Variants in HNRNPUL1 observed in about 807,000 individuals in gnomAD.
HNRNPUL1 encodes the protein heterogeneous nuclear ribonucleoprotein U like 1.
A neutral mutation model predicts 108.5 loss-of-function variants in HNRNPUL1; 14 were observed. The ratio of observed to expected loss-of-function variants is 0.13; its 90% CI spans 0.09 to 0.20. The LOEUF (loss-of-function observed/expected upper bound fraction) is 0.20, where lower values mean the gene tolerates loss of function less well. Ranked by LOEUF, HNRNPUL1 falls within the 10% of genes least tolerant of loss-of-function variation. HNRNPUL1 has a pLI of 1.00. For synonymous variants in HNRNPUL1, 422 were observed against 445.2 expected (o/e 0.95, Z 0.66); for missense variants, 804 against 1,168.3 (o/e 0.69, Z 4.55).
chr19:41,273,938 T>C lies in HNRNPUL1; in HGVS notation c.573-44T>C, dbSNP rs558537595. 4.9e-6 allele frequency: 7 copies of C among 1,439,802 alleles called. No individual in the cohort carries two copies. In the Admixed American group the frequency reaches 1.0e-4, roughly 21 times the overall value. 89.2% of individuals were successfully genotyped at this position (1,439,802 alleles called of 1,614,324 possible). The stretch of plus-strand genomic sequence containing the variant: ...AACATTCATTTTCTTTCCTTTGTGC[T>C]CATCCATTGTTCTTGTATGACTTAA... On this transcript the variant is annotated intron_variant, in intron 3 of 14. Transcript: ENST00000392006.
intron 7 of HNRNPUL1, among the ~76,000 whole-genome samples, chr19:41,284,228 A>G (rs1472475499): frequency 6.6e-6 from 1 of 152,228 alleles, no homozygotes; most frequent in Non-Finnish European, 1.5e-5. Flanking sequence ...TGCACTATAG[A>G]TTGAGGTCTG....
rs2037009044 is a variant in HNRNPUL1 at position 41,298,397 on chromosome 19, C to T, written c.1519-3139C>T. ...GAGGGAACCAAAGCAGCTGGAAAAG[C>T]TGACCTAGCTGTTGTGCTGGTCTCA... On this transcript the variant is annotated intron_variant, in intron 10 of 14. Coordinates refer to ENST00000392006, the MANE Select transcript of HNRNPUL1 (RefSeq NM_007040.6). 4 of 152,378 alleles carry T rather than the reference C, an allele frequency of 2.6e-5. No individual in the cohort carries two copies. The South Asian group carries it at 8.3e-4, about 32-fold the overall frequency. 9.4% of individuals were successfully genotyped at this position (152,378 alleles called of 1,614,324 possible).
At chr19:41,305,961 A>G in intron 14 of HNRNPUL1, 94 bp downstream of exon 14, 5 of 860,352 alleles carry the variant, frequency 5.8e-6, no homozygotes, top group Non-Finnish European at 9.0e-6. Context: ...CTTATCCCTA[A>G]AAAGACAGCC....
intron 10 of HNRNPUL1, among the ~76,000 whole-genome samples, chr19:41,299,826 T>G (rs537462114): frequency 6.6e-6 from 1 of 152,154 alleles, no homozygotes; most frequent in Non-Finnish European, 1.5e-5. Flanking sequence ...CTTAACCTTT[T>G]CTTTGGTCTG....
intron 7 of HNRNPUL1, among the ~76,000 whole-genome samples, chr19:41,287,483 C>A (rs1201328215): frequency 6.6e-6 from 1 of 152,130 alleles, no homozygotes; most frequent in Non-Finnish European, 1.5e-5. Flanking sequence ...ATATTGCATT[C>A]TCTTGCCATG....
chr19:41,264,830 C>T, intron 1 of HNRNPUL1, 32 bp downstream of exon 1: 2 of 1,341,184 alleles, frequency 1.5e-6, no homozygotes, highest in Middle Eastern at 2.8e-4. Flanking sequence ...GCCGGGGAGC[C>T]CGGAGCCTGG....
Position 41,281,230 on chromosome 19 carries a change from C to T in HNRNPUL1, c.954C>T (p.Asn318=). 6.2e-7 allele frequency: 1 copy of T among 1,614,164 alleles called. No individual in the cohort carries two copies. Among genetic ancestry groups the T allele is most frequent in the Non-Finnish European group, 8.5e-7 (1 of 1,180,010 alleles). ...AGTCCACCAATAGCCGGTTTGAAAA[C>T]TACGGAGACAAGTTTGCAGAGAACG... ...GKKSTNSRFE[N]YGDKFAENDV... is the part of the protein sequence containing the mutation. The change falls in exon 7 of 15, where the codon AAC becomes AAT. Residue 318 remains asparagine, a synonymous_variant. Coordinates refer to ENST00000392006, the MANE Select transcript of HNRNPUL1 (RefSeq NM_007040.6).
intron 7 of HNRNPUL1, among the ~76,000 whole-genome samples, chr19:41,288,340 G>A (rs1201258961): frequency 1.3e-5 from 2 of 151,712 alleles, no homozygotes; most frequent in South Asian, 4.2e-4. Flanking sequence ...CCGCCTCCCA[G>A]ATTCAAGTGA....
At chr19:41,286,277 A>C (rs2036223296) in intron 7 of HNRNPUL1, 1 of 152,018 alleles carries the variant, frequency 6.6e-6, no homozygotes, top group Non-Finnish European at 1.5e-5. Flanking sequence ...ATATTGAATG[A>C]AAAAAGTACA....
At chr19:41,299,509 T>C (rs1269296344) in intron 10 of HNRNPUL1, among the ~76,000 whole-genome samples, 1 of 152,202 alleles carries the variant, frequency 6.6e-6, no homozygotes, top group Non-Finnish European at 1.5e-5. Context: ...AAGCCTCTCC[T>C]GGATAGTCAG....
At position 41,302,790 on chromosome 19, in the gene HNRNPUL1, C is replaced by G; in HGVS notation, c.1813C>G (p.Pro605Ala). The change falls in exon 12 of 15, where the codon CCT becomes GCT. Residue 605 changes from proline (P) to alanine (A), a missense_variant. Physicochemically the swap from Pro to Ala is conservative, Grantham distance 27. Coordinates refer to ENST00000392006, the MANE Select transcript of HNRNPUL1 (RefSeq NM_007040.6). ...GGAAGGCCGCAAGGCTGGGCCACCC[C>G]CTGAAAAGCGCTTTGACAACCGAGG... ...NEEGRKAGPPPEKRFDNRGGG... is the reference protein window; with the variant it reads ...NEEGRKAGPPAEKRFDNRGGG... 6.2e-7 allele frequency: 1 copy of G among 1,611,464 alleles called. No individual in the cohort carries two copies. Among genetic ancestry groups the G allele is most frequent in the Non-Finnish European group, 8.5e-7 (1 of 1,178,002 alleles).
At position 41,304,044 on chromosome 19, in the gene HNRNPUL1, C is replaced by G; in HGVS notation, c.2045C>G (p.Ser682Cys). Reference sequence around the variant, plus strand: ...AACAACAACCGGGATAACAACAACTCCAACAACAGAGGCAGCTACAACCGG... The same window carrying G: ...AACAACAACCGGGATAACAACAACTGCAACAACAGAGGCAGCTACAACCGG... ...WGNNNRDNNN[S>C]NNRGSYNRAP... The change falls in exon 13 of 15, where the codon TCC becomes TGC. Residue 682 changes from serine (S) to cysteine (C), a missense_variant. Physicochemically the swap from Ser to Cys is moderately radical, Grantham distance 112 (BLOSUM62 -1). Around this residue, in one of 4 missense-constraint regions of HNRNPUL1, gnomAD observed 294 missense variants for 388.3 expected, o/e 0.76. Coordinates refer to ENST00000392006, the MANE Select transcript of HNRNPUL1 (RefSeq NM_007040.6). 6.2e-7 allele frequency: 1 copy of G among 1,613,944 alleles called. No homozygotes were observed. The highest frequency in any genetic ancestry group is 8.5e-7 in the Non-Finnish European group (1 of 1,179,840).
In HNRNPUL1 at chr19:41,294,076, G is replaced by C. The variant is rs975008262; in HGVS notation, c.1267-262G>C. ...TTTTTGTTTTTGTTTTCCCCCGAAA[G>C]TCCTGGGATTATAGGCGTGAGCTAC... On this transcript the variant is annotated intron_variant, in intron 8 of 14. Transcript: ENST00000392006. The surrounding 1 kb of genome is among the most constrained non-coding windows in gnomAD (Gnocchi z 4.3). 6.6e-6 allele frequency among the ~76,000 whole-genome samples: 1 copy of C among 152,164 alleles called. No homozygotes were observed. The highest frequency in any genetic ancestry group is 2.4e-5 in the African/African-American group (1 of 41,444).
upstream of HNRNPUL1, chr19:41,264,350 G>C (rs906452766): frequency 2.9e-4 from 164 of 557,398 alleles, no homozygotes; most frequent in Non-Finnish European, 4.0e-4. Flanking sequence ...CACGAGTGAG[G>C]GGGGAGGCGG....
In HNRNPUL1 at chr19:41,287,077, G is replaced by A. The variant is rs967970134; in HGVS notation, c.1000-5168G>A. On this transcript the variant is annotated intron_variant, in intron 7 of 14. Coordinates refer to ENST00000392006, the MANE Select transcript of HNRNPUL1 (RefSeq NM_007040.6). The stretch of plus-strand genomic sequence containing the variant: ...GTCGCCCAGGCTGGAGTGCAGTGGC[G>A]TGATCTCGGCTCACTGCAAGTTCTG... Among the ~76,000 whole-genome samples, 5 of 150,464 alleles carry A rather than the reference G, an allele frequency of 3.3e-5. 1 individual carries two copies. Among genetic ancestry groups the A allele is most frequent in the Non-Finnish European group, 5.9e-5 (4 of 67,614 alleles).
chr19:41,262,727 G>A (rs1222571988), upstream of HNRNPUL1: 1 of 152,290 alleles, frequency 6.6e-6, no homozygotes, highest in African/African-American at 2.4e-5. Context: ...CACTGCAGCG[G>A]GGTGCCTTAC....
intron 1 of HNRNPUL1, chr19:41,265,117 A>T (rs2034740015): frequency 3.5e-6 from 5 of 1,418,936 alleles, no homozygotes; most frequent in Non-Finnish European, 4.6e-6. Context: ...TCGGAAGAAC[A>T]AGAGGTTTTC....
intron 6 of HNRNPUL1, among the ~76,000 whole-genome samples, chr19:41,279,489 A>G (rs1021524696): frequency 4.6e-5 from 7 of 152,156 alleles, no homozygotes; most frequent in Non-Finnish European, 1.0e-4. Flanking sequence ...CCCTTAAACC[A>G]AGCTGCTGAT....
Position 41,267,788 on chromosome 19 carries a change from A to G in HNRNPUL1, c.296-435A>G, listed in dbSNP as rs139110504. On this transcript the variant is annotated intron_variant, in intron 1 of 14. Transcript: ENST00000392006. Reference sequence around the variant, plus strand: ...TAAAGTTCTCTCTGGGTTTGGCTGCAAGGTTCTTGAGGGAATTTCTGGTTT... The same window carrying G: ...TAAAGTTCTCTCTGGGTTTGGCTGCGAGGTTCTTGAGGGAATTTCTGGTTT... Among the ~76,000 whole-genome samples, 418 of 152,302 alleles carry G rather than the reference A, an allele frequency of 2.7e-3. 4 individuals are homozygous for G. The highest frequency in any genetic ancestry group is 9.6e-3 in the African/African-American group (400 of 41,562).
Sources: gnomAD v4.1 joint callset for allele counts (sites outside exome capture counted in the v4.1 genomes callset) on GRCh38, gnomAD v4.1.1 for gene constraint, gnomAD v4.1.1 regional missense constraint, Gnocchi (gnomAD v3.1) non-coding constraint, MANE v1.5 for transcripts, NCBI Gene and HGNC (gene_info 2026-07-23, HGNC 2026-07-21) for gene names.